The following PER1 variants were observed in gnomAD, a reference collection of about 807,000 sequenced individuals.
PER1 encodes the protein period circadian protein homolog 1.
A neutral mutation model predicts 125.9 loss-of-function variants in PER1; 87 were observed. The ratio of observed to expected loss-of-function variants is 0.69; its 90% CI spans 0.58 to 0.83. PER1 has a LOEUF of 0.83. PER1 is among the 40% of genes least tolerant of loss of function. PER1 has a pLI of 0.00. For synonymous variants in PER1, 801 were observed against 714.7 expected (o/e 1.12, Z -1.93); for missense variants, 1,775 against 1,722.8 (o/e 1.03, Z -0.54).
At position 8,147,296 on chromosome 17, in the gene PER1, C is replaced by G. The variant is rs373611550; in HGVS notation, c.1583G>C (p.Ser528Thr). 1.7e-5 allele frequency: 28 copies of G among 1,613,376 alleles called. No individual in the cohort carries two copies. In the African/African-American group the frequency reaches 3.5e-4, roughly 20 times the overall value. The change falls in exon 13 of 23, where the codon AGT becomes ACT. Residue 528 changes from serine to threonine, a missense_variant. Ser to Thr is a moderately conservative substitution (Grantham distance 58). Coordinates refer to ENST00000317276, the MANE Select transcript of PER1 (RefSeq NM_002616.3). Reference protein sequence around the residue: ...PGPLHSPGSSSDSNGGDAEGP... With the variant: ...PGPLHSPGSSTDSNGGDAEGP... ...CTCTGCATCACCCCCGTTGCTATCA[C>G]TGGAGGACCCAGGGCTGTGGAGAGG...
chr17:8,146,382 C>A lies in PER1; in HGVS notation c.2028G>T (p.Gly676=). The A allele has an allele frequency of 6.2e-7, 1 of 1,605,266 alleles. No individual in the cohort carries two copies. The highest frequency in any genetic ancestry group is 8.5e-7 in the Non-Finnish European group (1 of 1,175,598). ...GCATTGGATCTTTACCTTTCTTGGT[C>A]CCCACAGAGACTGGACCTGTCCTCT... ...DRQRTGPVSV[G]TKKDPPSAAL... The change falls in exon 16 of 23, where the codon GGG becomes GGT. Residue 676 remains glycine, a synonymous_variant. Transcript: ENST00000317276.
In PER1 at chr17:8,142,386, G is replaced by A. The variant is rs1330683253; in HGVS notation, c.3332C>T (p.Ala1111Val). 2.7e-5 allele frequency: 43 copies of A among 1,612,928 alleles called. No individual in the cohort carries two copies. The highest frequency in any genetic ancestry group is 3.3e-5 in the Non-Finnish European group (39 of 1,179,672). The change falls in exon 21 of 23, where the codon GCT becomes GTT. Residue 1111 changes from alanine to valine, a missense_variant. Physicochemically the swap from Ala to Val is moderately conservative, Grantham distance 64. Transcript: ENST00000317276. Reference sequence around the variant, plus strand: ...GTCCCCAGGCTCAGCCCCGCCCCGAGCAGCCCCAGCCTCAGCCTCGGAAGA... The same window carrying A: ...GTCCCCAGGCTCAGCCCCGCCCCGAACAGCCCCAGCCTCAGCCTCGGAAGA... ...IDSSEAEAGA[A>V]RGGAEPGDQV... is the part of the protein sequence containing the mutation.
intron 7 of PER1, 93 bp from the exon 8 acceptor site, chr17:8,148,879 G>T: frequency 6.8e-7 from 1 of 1,462,868 alleles, no homozygotes; most frequent in South Asian, 1.2e-5. Flanking sequence ...CAAAGACGCT[G>T]GGGAGGGGGC....
chr17:8,142,489 C>T lies in PER1; in HGVS notation c.3260-31G>A, dbSNP rs117417835. ...AAGTGGGGGGCAGACCAATGGGAGT[C>T]AGGCCGGCTGCATGCCCACTCCTGG... On this transcript the variant is annotated intron_variant, in intron 20 of 22. Transcript: ENST00000317276. 1.9e-6 allele frequency: 3 copies of T among 1,553,330 alleles called. No homozygotes were observed. In the East Asian group the frequency reaches 6.8e-5, roughly 35 times the overall value.
At position 8,146,630 on chromosome 17, in the gene PER1, G is replaced by A; in HGVS notation, c.1871C>T (p.Ser624Phe). The A allele has an allele frequency of 6.2e-7, 1 of 1,613,228 alleles. No homozygotes were observed. Among genetic ancestry groups the A allele is most frequent in the Non-Finnish European group, 8.5e-7 (1 of 1,179,672 alleles). Residue 624 changes from serine (S) to phenylalanine (F), a missense_variant, in exon 15 of 23, where the codon TCC becomes TTC. Transcript: ENST00000317276. Reference protein sequence around the residue: ...EAERKEASSCSYQQINCLDSI... With the variant: ...EAERKEASSCFYQQINCLDSI... The stretch of plus-strand genomic sequence containing the variant: ...GTCCAGGCAGTTGATCTGCTGGTAG[G>A]AGCAGCTGGAGGCTTCTTTCCTCTC...
At chr17:8,148,828 G>A (rs1296382829) in intron 7 of PER1, 42 bp from the exon 8 acceptor site, 8 of 1,605,930 alleles carry the variant, frequency 5.0e-6, no homozygotes, top group East Asian at 4.5e-5. Flanking sequence ...TCAACAGAGA[G>A]CCACCCACTC....
At position 8,147,560 on chromosome 17, in the gene PER1, G is replaced by A. The variant is rs760924823; in HGVS notation, c.1407C>T (p.Asp469=). ...HKVRTAPLNE[D]VFTPPAPSPA... is the part of the protein sequence containing the mutation. The stretch of plus-strand genomic sequence containing the variant: ...GGCTGGGGGCCGGGGGAGTGAACAC[G>A]TCCTCATTCAGGGGGGCCCTGTAGA... The change falls in exon 12 of 23, where the codon GAC becomes GAT. Residue 469 remains aspartate (D), a synonymous_variant. Coordinates refer to ENST00000317276, the MANE Select transcript of PER1 (RefSeq NM_002616.3). The A allele has an allele frequency of 2.9e-5, 47 of 1,613,378 alleles. No individual in the cohort carries two copies. In the South Asian group the frequency reaches 3.2e-4, roughly 11 times the overall value.
Position 8,146,993 on chromosome 17 carries a change from G to A in PER1, c.1639C>T (p.Gln547Ter). 3 of 1,613,584 alleles carry A rather than the reference G, an allele frequency of 1.9e-6. No individual in the cohort carries two copies. The highest frequency in any genetic ancestry group is 2.5e-6 in the Non-Finnish European group (3 of 1,179,608). The change falls in exon 14 of 23, where the codon CAG becomes TAG. Residue 547 changes from glutamine (Q) to a stop codon, truncating the protein, a stop_gained. Coordinates refer to ENST00000317276, the MANE Select transcript of PER1 (RefSeq NM_002616.3). LOFTEE classifies it high-confidence loss of function. ...AGATGCACATCCTTACAGATCTGCT[G>A]GAAAGTCACCTGTGGGACACAGCAC... The part of the protein sequence containing the change: ...GPGPPAPVTF[Q>*]QICKDVHLVK...
Position 8,142,120 on chromosome 17 carries a change from C to G in PER1, c.3449+149G>C. The G allele has an allele frequency of 4.4e-6, 5 of 1,135,172 alleles. 1 individual carries two copies. In the South Asian group the frequency reaches 5.6e-5, roughly 13 times the overall value. The allele number at this position is 1,135,172 out of a possible 1,614,324, so 70.3% of individuals were successfully genotyped here. A position where few individuals can be genotyped will look rare whatever the true frequency, so the allele number is the denominator to read the frequency against. ...CCAAGACCAGGAAACCTGCTCTCCT[C>G]CTGGGAGGAACTAGTAACAGGGCTC... is the stretch of plus-strand genomic sequence containing the variant. On this transcript the variant is annotated intron_variant, in intron 21 of 22. Transcript: ENST00000317276.
intron 1 of PER1, among the ~76,000 whole-genome samples, chr17:8,151,502 G>C (rs753836255): frequency 1.6e-4 from 24 of 152,158 alleles, no homozygotes; most frequent in Admixed American, 3.3e-4. Context: ...GTGGCCGTAA[G>C]AAGTGGGACG....
At chr17:8,145,114 C>T (rs779595945) in intron 17 of PER1, 121 bp from the exon 18 acceptor site, 2 of 1,111,944 alleles carry the variant, frequency 1.8e-6, no homozygotes, top group Non-Finnish European at 2.4e-6. Context: ...ACAGCCAAGC[C>T]TGGTCTCCAT....
intron 22 of PER1, 149 bp from the exon 23 acceptor site, chr17:8,141,489 G>A: frequency 2.1e-6 from 2 of 938,436 alleles, no homozygotes; most frequent in Non-Finnish European, 3.1e-6. Flanking sequence ...GTCCAACAAG[G>A]TTGGACAGTG....
At chr17:8,141,378 G>A in intron 22 of PER1, 38 bp from the exon 23 acceptor site, 1 of 1,560,580 alleles carries the variant, frequency 6.4e-7, no homozygotes, top group East Asian at 2.3e-5. Flanking sequence ...GTCAGACAGG[G>A]TTCTCACTGC....
intron 21 of PER1, 135 bp downstream of exon 21, chr17:8,142,134 G>GTAACAGGGCTCCAAGGAGCAGGAAGA: frequency 9.2e-7 from 1 of 1,092,486 alleles, no homozygotes. Flanking sequence ...GGAGGAACTA[G>GTAACAGGGCTCCAAGGAGCAGGAAGA]TAACAGGGCT....
Position 8,142,432 on chromosome 17 carries a change from T to G in PER1, c.3286A>C (p.Lys1096Gln), listed in dbSNP as rs1251738139. ...GAAGAGTCGATGCTGCCAAAGTATTTGCTTGTGTGGCTGCTCTGGCTGCTG... is the reference window on the plus strand; with the variant it reads ...GAAGAGTCGATGCTGCCAAAGTATTGGCTTGTGTGGCTGCTCTGGCTGCTG... Reference protein sequence around the residue: ...TRSSQSSHTSKYFGSIDSSEA... With the variant: ...TRSSQSSHTSQYFGSIDSSEA... The change falls in exon 21 of 23, where the codon AAA becomes CAA. Residue 1096 changes from lysine to glutamine, a missense_variant. Lys to Gln is a moderately conservative substitution (Grantham distance 53). Coordinates refer to ENST00000317276, the MANE Select transcript of PER1 (RefSeq NM_002616.3). 1 of 1,593,614 alleles carries G rather than the reference T, an allele frequency of 6.3e-7. No individual in the cohort carries two copies. Among genetic ancestry groups the G allele is most frequent in the South Asian group, 1.1e-5 (1 of 88,656 alleles).
In PER1 at chr17:8,150,022, C is replaced by T. The variant is rs757106529; in HGVS notation, c.478G>A (p.Gly160Arg). 1 of 1,614,188 alleles carries T rather than the reference C, an allele frequency of 6.2e-7. No homozygotes were observed. The highest frequency in any genetic ancestry group is 1.1e-5 in the South Asian group (1 of 91,082). Reference sequence around the variant, plus strand: ...GCGTACTGCAGCGTGGCCAGGGTCCCAGAGCGGCCCTTGCCCCGGCGCTCT... The same window carrying T: ...GCGTACTGCAGCGTGGCCAGGGTCCTAGAGCGGCCCTTGCCCCGGCGCTCT... ...PPERRGKGRS[G>R]TLATLQYALA... Residue 160 changes from glycine to arginine, a missense_variant, in exon 4 of 23, where the codon GGG becomes AGG. Transcript: ENST00000317276.
chr17:8,143,863 G>C lies in PER1; in HGVS notation c.2475C>G (p.Gly825=). 1 of 1,609,966 alleles carries C rather than the reference G, an allele frequency of 6.2e-7. No individual in the cohort carries two copies. The highest frequency in any genetic ancestry group is 1.1e-5 in the South Asian group (1 of 90,880). ...SALGERGCHH[G]PAPPSRRHHC... is the part of the protein sequence containing the mutation. Reference sequence around the variant, plus strand: ...GGTGTCGGCGGCTTGGGGGTGCGGGGCCGTGGTGGCAGCCTGTGGGGAGAG... The same window carrying C: ...GGTGTCGGCGGCTTGGGGGTGCGGGCCCGTGGTGGCAGCCTGTGGGGAGAG... The change falls in exon 19 of 23, where the codon GGC becomes GGG. Residue 825 remains glycine (G), a synonymous_variant. Coordinates refer to ENST00000317276, the MANE Select transcript of PER1 (RefSeq NM_002616.3).
At chr17:8,143,166 G>T in intron 19 of PER1, 100 bp downstream of exon 19, 1 of 908,046 alleles carries the variant, frequency 1.1e-6, no homozygotes, top group Non-Finnish European at 1.6e-6. Flanking sequence ...CCTCCTGGAG[G>T]CTGAGACGCC....
At position 8,146,459 on chromosome 17, in the gene PER1, AT is replaced by A. The variant is rs1982445986; in HGVS notation, c.1950del (p.Lys650AsnfsTer54). 6.2e-7 allele frequency: 1 copy of A among 1,613,780 alleles called. No individual in the cohort carries two copies. The highest frequency in any genetic ancestry group is 1.3e-5 in the African/African-American group (1 of 75,022). On this transcript the variant is annotated frameshift_variant, in exon 16 of 23. Transcript: ENST00000317276. LOFTEE classifies it high-confidence loss of function. ...SCNLPSTTKR[K>X]CASSSSYTTS... Reference sequence around the variant, plus strand: ...GTGGTATAGGAGGAGGAGGAGGCACATTTACGCTTAGTGGTGCTGGGGAGGT... The same window carrying A: ...GTGGTATAGGAGGAGGAGGAGGCACATTACGCTTAGTGGTGCTGGGGAGGT...
Sources: allele counts gnomAD v4.1 joint callset (sites outside exome capture counted in the v4.1 genomes callset), GRCh38; gene constraint gnomAD v4.1.1; transcripts MANE v1.5; gene names NCBI Gene and HGNC (gene_info 2026-07-23, HGNC 2026-07-21).